The following XYLB variants were observed in gnomAD, a reference collection of about 807,000 sequenced individuals.
XYLB encodes xylulose kinase.
A neutral mutation model predicts 78.7 loss-of-function variants in XYLB; 62 were observed. That is an observed-to-expected ratio of 0.79 (90% CI 0.64 to 0.97). The LOEUF (loss-of-function observed/expected upper bound fraction) is 0.97. Among genes scored for constraint, XYLB ranks in the 50% least tolerant of loss-of-function variants. XYLB has a pLI of 0.00. For missense variants in XYLB, 687 were observed against 676.8 expected (o/e 1.02, Z -0.17); for synonymous variants, 245 against 247.4 (o/e 0.99, Z 0.09).
chr3:38,353,087 C>T (rs2125552439), intron 2 of XYLB, among the ~76,000 whole-genome samples: 1 of 152,284 alleles, frequency 6.6e-6, no homozygotes, highest in East Asian at 1.9e-4. Flanking sequence ...TTCCCAGTCT[C>T]TTTTATTGCT....
intron 11 of XYLB, 136 bp downstream of exon 11, chr3:38,374,638 T>A: frequency 9.6e-7 from 1 of 1,038,184 alleles, no homozygotes; most frequent in Non-Finnish European, 1.4e-6. Flanking sequence ...CTCTGCTACT[T>A]ATCAGAGTGT....
At chr3:38,431,923 T>G in the XYLB span, among the ~76,000 whole-genome samples, 1 of 152,100 alleles carries the variant, frequency 6.6e-6, no homozygotes, top group Non-Finnish European at 1.5e-5. Context: ...GGTCTTGCCC[T>G]TGACACATGA....
chr3:38,363,444 GACTGAGC>G (rs112184974), intron 4 of XYLB, among the ~76,000 whole-genome samples: 1 of 41,830 alleles, frequency 2.4e-5, no homozygotes, highest in Non-Finnish European at 6.6e-5. Flanking sequence ...AGAGGACATT[GACTGAGC>G]ACTTAGTGCA....
chr3:38,446,517 T>C, the XYLB span, among the ~76,000 whole-genome samples: 1 of 152,122 alleles, frequency 6.6e-6, no homozygotes, highest in Non-Finnish European at 1.5e-5. Flanking sequence ...TACTTCAAAA[T>C]ATATTACAGG....
downstream of XYLB, among the ~76,000 whole-genome samples, chr3:38,418,777 A>C (rs1373619236): frequency 6.6e-6 from 1 of 151,408 alleles, no homozygotes; most frequent in Non-Finnish European, 1.5e-5. Flanking sequence ...GTTTTGTGAT[A>C]AAATGTGTGA....
chr3:38,358,334 TGTGTGTGTGTGTGTGTGTGTGTG>T (rs1457814382), intron 2 of XYLB, among the ~76,000 whole-genome samples: 4 of 72,008 alleles, frequency 5.6e-5, no homozygotes, highest in African/African-American at 1.1e-4. Context: ...TGTGTGTGTG[TGTGTGTGTGTGTGTGTGTGTGTG>T]TTTGAGACAG....
rs1341431521 is a variant in XYLB at position 38,414,699 on chromosome 3, A to C, written c.*1686A>C. On this transcript the variant is annotated 3_prime_UTR_variant, in exon 19 of 19. Transcript: ENST00000207870. ...AAGATAAATCTTCACAGATATGAAT[A>C]CTAAATTATATCTTAATGAAAATAG... is the stretch of plus-strand genomic sequence containing the variant. 3.3e-5 allele frequency: 5 copies of C among 152,234 alleles called. No individual in the cohort carries two copies. The East Asian group carries it at 9.6e-4, about 29-fold the overall frequency. 9.4% of individuals were successfully genotyped at this position (152,234 alleles called of 1,614,324 possible).
At chr3:38,441,898 A>G in the XYLB span, among the ~76,000 whole-genome samples, 3 of 152,100 alleles carry the variant, frequency 2.0e-5, no homozygotes, top group African/African-American at 7.2e-5. Flanking sequence ...ATATATAAAG[A>G]GAGGTTTTGT....
chr3:38,370,238 G>GCTCACACACACACA, intron 9 of XYLB, 64 bp downstream of exon 9: 1 of 326,746 alleles, frequency 3.1e-6, no homozygotes, highest in African/African-American at 4.4e-5. Flanking sequence ...AAGCACTGTA[G>GCTCACACACACACA]CGCACACACA....
intron 2 of XYLB, among the ~76,000 whole-genome samples, chr3:38,350,185 C>T (rs1314841461): frequency 4.6e-5 from 7 of 152,350 alleles, no homozygotes; most frequent in Middle Eastern, 3.4e-3. Flanking sequence ...CATTACCCAT[C>T]ACATTGTGTT....
chr3:38,377,119 C>T lies in XYLB; in HGVS notation c.1194+128C>T, dbSNP rs115571928. ...CACTCATCCATTAATATCATACACA[C>T]TTGTGGTGTGCCAGGGTGCATTCTA... On this transcript the variant is annotated intron_variant, in intron 14 of 18. Coordinates refer to ENST00000207870, the MANE Select transcript of XYLB (RefSeq NM_005108.4). The T allele has an allele frequency of 6.2e-4, 517 of 833,592 alleles. 1 individual carries two copies. In the African/African-American group the frequency reaches 7.9e-3, roughly 13 times the overall value. 51.6% of individuals were successfully genotyped at this position (833,592 alleles called of 1,614,324 possible). A position where few individuals can be genotyped will look rare whatever the true frequency, so the allele number is the denominator to read the frequency against.
chr3:38,444,172 AT>A, the XYLB span, among the ~76,000 whole-genome samples: 1 of 152,180 alleles, frequency 6.6e-6, no homozygotes, highest in Non-Finnish European at 1.5e-5. Context: ...TAGGACATCT[AT>A]ATACCTATCA....
intron 15 of XYLB, among the ~76,000 whole-genome samples, chr3:38,379,728 G>A (rs1218885348): frequency 1.3e-5 from 2 of 152,176 alleles, no homozygotes; most frequent in African/African-American, 4.8e-5. Context: ...CTTCTAGCCT[G>A]GCCAGGTCCC....
chr3:38,409,643 T>G (rs1349114613), intron 18 of XYLB, among the ~76,000 whole-genome samples: 1 of 152,168 alleles, frequency 6.6e-6, no homozygotes, highest in East Asian at 1.9e-4. Context: ...AAACCCCATT[T>G]TCTCAGCACA....
At chr3:38,417,409 A>G (rs80042419), downstream of XYLB, among the ~76,000 whole-genome samples, 169 of 152,280 alleles carry the variant, frequency 1.1e-3, no homozygotes, top group African/African-American at 3.1e-3. Context: ...AGCTATCTCA[A>G]AAATAATTGT....
At chr3:38,384,678 C>T (rs1485646962) in intron 15 of XYLB, among the ~76,000 whole-genome samples, 1 of 132,066 alleles carries the variant, frequency 7.6e-6, no homozygotes, top group Non-Finnish European at 1.8e-5. Context: ...TCATTTGCCT[C>T]CCAGACTCCT....
chr3:38,437,332 G>A, the XYLB span, among the ~76,000 whole-genome samples: 2 of 152,222 alleles, frequency 1.3e-5, no homozygotes, highest in African/African-American at 4.8e-5. Context: ...AAAGTGGAAA[G>A]CCTTTCCTCT....
chr3:38,413,578 T>G lies in XYLB; in HGVS notation c.*565T>G, dbSNP rs1436507499. On this transcript the variant is annotated 3_prime_UTR_variant, in exon 19 of 19. Coordinates refer to ENST00000207870, the MANE Select transcript of XYLB (RefSeq NM_005108.4). Reference sequence around the variant, plus strand: ...GCTGTCTGAGGTGCCTCGCAGGGCCTCTCTTACTTGCCCCATGCTCACCCT... The same window carrying G: ...GCTGTCTGAGGTGCCTCGCAGGGCCGCTCTTACTTGCCCCATGCTCACCCT... The G allele has an allele frequency of 6.6e-6, 1 of 152,302 alleles. No homozygotes were observed. Among genetic ancestry groups the G allele is most frequent in the African/African-American group, 2.4e-5 (1 of 41,336 alleles). 9.4% of individuals were successfully genotyped at this position (152,302 alleles called of 1,614,324 possible). A position where few individuals can be genotyped will look rare whatever the true frequency, so the allele number is the denominator to read the frequency against.
rs779705733 is a variant in XYLB at position 38,402,455 on chromosome 3, C to CA, written c.1533+1471dup. On this transcript the variant is annotated intron_variant, in intron 18 of 18. Coordinates refer to ENST00000207870, the MANE Select transcript of XYLB (RefSeq NM_005108.4). ...CTCATGCTGTCTAGAGCAGACAAAC[C>CA]ACACACATAGGTGTGCCCAAGCATC... is the stretch of plus-strand genomic sequence containing the variant. 2.4e-4 allele frequency among the ~76,000 whole-genome samples: 36 copies of CA among 152,304 alleles called. No individual in the cohort carries two copies. The East Asian group carries it at 5.8e-3, about 24-fold the overall frequency.
Sources: allele counts gnomAD v4.1 joint callset (sites outside exome capture counted in the v4.1 genomes callset), GRCh38; gene constraint gnomAD v4.1.1; transcripts MANE v1.5; gene names NCBI Gene and HGNC (gene_info 2026-07-23, HGNC 2026-07-21).